ZNF221: variants seen among roughly 807,000 people sequenced by gnomAD.
The protein encoded by ZNF221 is zinc finger protein 221.
In ZNF221, 10 loss-of-function variants were observed where a neutral mutation model predicts 12.6. That is an observed-to-expected ratio of 0.79 (90% CI 0.49 to 1.34). The LOEUF (loss-of-function observed/expected upper bound fraction) is 1.34, where lower values mean the gene tolerates loss of function less well. ZNF221 is among the 40% of genes most tolerant of loss of function. The pLI is 0.00. For synonymous variants in ZNF221, 232 were observed against 244.0 expected (o/e 0.95, Z 0.46); for missense variants, 661 against 721.4 (o/e 0.92, Z 0.96).
At position 43,966,574 on chromosome 19, in the gene ZNF221, A is replaced by G. The variant is rs750799809; in HGVS notation, c.1072A>G (p.Met358Val). 6 of 1,614,210 alleles carry G rather than the reference A, an allele frequency of 3.7e-6. No individual in the cohort carries two copies. The East Asian group carries it at 6.7e-5, about 18-fold the overall frequency. ...GAGATCAGCACTTAATAGTCATTCC[A>G]TGGTCCACATAGAAGAGAAGCCATA... ...RQRSALNSHS[M>V]VHIEEKPYKC... Residue 358 changes from methionine to valine, a missense_variant, in exon 5 of 5, where the codon ATG becomes GTG. Coordinates refer to ENST00000587682, the MANE Select transcript of ZNF221 (RefSeq NM_001297588.2).
intron 1 of ZNF221, among the ~76,000 whole-genome samples, chr19:43,955,698 A>G (rs2147332498): frequency 6.6e-6 from 1 of 152,348 alleles, no homozygotes. Flanking sequence ...CATCACTGCT[A>G]GGAAAACAGC....
At chr19:43,970,732 T>C (rs973107382), downstream of ZNF221, among the ~76,000 whole-genome samples, 2 of 151,884 alleles carry the variant, frequency 1.3e-5, no homozygotes, top group African/African-American at 4.8e-5. Flanking sequence ...TGAAGAGTAA[T>C]GAACAAAACC....
downstream of ZNF221, among the ~76,000 whole-genome samples, chr19:43,970,061 G>A (rs1975063963): frequency 6.6e-6 from 1 of 152,176 alleles, no homozygotes; most frequent in South Asian, 2.1e-4. Flanking sequence ...AAAAGAAGGA[G>A]AAGGCTGCCA....
chr19:43,967,435 T>C lies in ZNF221; in HGVS notation c.*79T>C, dbSNP rs983834885. The C allele has an allele frequency of 8.2e-6, 9 of 1,100,330 alleles. No individual in the cohort carries two copies. Among genetic ancestry groups the C allele is most frequent in the African/African-American group, 3.2e-5 (2 of 63,490 alleles). The allele number at this position is 1,100,330 out of a possible 1,614,324, so 68.2% of individuals were successfully genotyped here. On this transcript the variant is annotated 3_prime_UTR_variant, in exon 5 of 5. Coordinates refer to ENST00000587682, the MANE Select transcript of ZNF221 (RefSeq NM_001297588.2). ...AATTCTCCACAGCAGAGAAAAACCA[T>C]TCAAATATGAGAACTGTGGGAAGAG...
downstream of ZNF221, among the ~76,000 whole-genome samples, chr19:43,969,944 C>T (rs1408745094): frequency 6.6e-6 from 1 of 152,232 alleles, no homozygotes; most frequent in Non-Finnish European, 1.5e-5. Context: ...GGTCCCTGAT[C>T]CTGTTCCTCC....
intron 2 of ZNF221, among the ~76,000 whole-genome samples, chr19:43,964,453 C>A (rs1305251216): frequency 6.6e-6 from 1 of 152,158 alleles, no homozygotes; most frequent in East Asian, 1.9e-4. Flanking sequence ...ATAGAGGATG[C>A]AATGCATAGC....
At chr19:43,958,361 C>G (rs1419815747) in intron 1 of ZNF221, among the ~76,000 whole-genome samples, 1 of 152,180 alleles carries the variant, frequency 6.6e-6, no homozygotes, top group Non-Finnish European at 1.5e-5. Flanking sequence ...ATATCCCAGT[C>G]ATCATAAATT....
intron 1 of ZNF221, among the ~76,000 whole-genome samples, chr19:43,952,047 G>C (rs1974681441): frequency 6.6e-6 from 1 of 150,968 alleles, no homozygotes; most frequent in Non-Finnish European, 1.5e-5. Context: ...CTAATTTTTT[G>C]TATTTTTAGT....
chr19:43,981,125 G>A, the ZNF221 span, among the ~76,000 whole-genome samples: 1 of 151,742 alleles, frequency 6.6e-6, no homozygotes. Flanking sequence ...ATAAAAATGG[G>A]TAATAGATTT....
At chr19:43,960,909 G>A (rs1426662763) in intron 1 of ZNF221, among the ~76,000 whole-genome samples, 1 of 152,222 alleles carries the variant, frequency 6.6e-6, no homozygotes, top group Non-Finnish European at 1.5e-5. Context: ...ACCTCTACCA[G>A]GGCAGTGCCA....
At chr19:43,955,731 G>T (rs1974745311) in intron 1 of ZNF221, among the ~76,000 whole-genome samples, 1 of 152,194 alleles carries the variant, frequency 6.6e-6, no homozygotes, top group African/African-American at 2.4e-5. Flanking sequence ...GCATTGAGCT[G>T]ATATGTTTTT....
intron 2 of ZNF221, among the ~76,000 whole-genome samples, chr19:43,963,220 C>A (rs1259771781): frequency 6.6e-6 from 1 of 151,802 alleles, no homozygotes; most frequent in Non-Finnish European, 1.5e-5. Context: ...ATTAATGTAC[C>A]TTCTTATTTT....
the ZNF221 span, among the ~76,000 whole-genome samples, chr19:43,979,209 G>T: frequency 2.6e-5 from 4 of 151,890 alleles, no homozygotes; most frequent in Non-Finnish European, 5.9e-5. Flanking sequence ...AAGCATACTT[G>T]CTCCTAACAG....
Position 43,966,741 on chromosome 19 carries a change from G to A in ZNF221, c.1239G>A (p.Gln413=), listed in dbSNP as rs1482555366. ...FRWSSCLLNH[Q]QVHSGQKSFK... is the part of the protein sequence containing the mutation. ...GGTCCTCATGTCTTTTGAACCATCA[G>A]CAAGTCCACAGTGGACAAAAATCCT... is the stretch of plus-strand genomic sequence containing the variant. Residue 413 remains glutamine (Q), a synonymous_variant, in exon 5 of 5, where the codon CAG becomes CAA. Coordinates refer to ENST00000587682, the MANE Select transcript of ZNF221 (RefSeq NM_001297588.2). 1.2e-6 allele frequency: 2 copies of A among 1,614,098 alleles called. No individual in the cohort carries two copies. The highest frequency in any genetic ancestry group is 3.3e-5 in the Admixed American group (2 of 60,006).
chr19:43,974,510 A>C, the ZNF221 span, among the ~76,000 whole-genome samples: 1 of 152,212 alleles, frequency 6.6e-6, no homozygotes, highest in African/African-American at 2.4e-5. Flanking sequence ...ACAAAGGTCT[A>C]ATATCCAGAG....
downstream of ZNF221, among the ~76,000 whole-genome samples, chr19:43,969,843 T>A (rs945435047): frequency 6.6e-6 from 1 of 152,212 alleles, no homozygotes; most frequent in Non-Finnish European, 1.5e-5. Flanking sequence ...CTGCTGGCTT[T>A]GGAGAGTCTG....
the ZNF221 span, among the ~76,000 whole-genome samples, chr19:43,975,364 A>G: frequency 6.6e-6 from 1 of 152,214 alleles, no homozygotes; most frequent in South Asian, 2.1e-4. Flanking sequence ...TACTATGCAA[A>G]CATAAAAAGA....
At chr19:43,969,756 A>C (rs425200), downstream of ZNF221, among the ~76,000 whole-genome samples, 116,191 of 152,082 alleles carry the variant, frequency 0.76, 45,811 homozygotes, top group Middle Eastern at 0.9. Context: ...ACAGAAATCT[A>C]ATCTCTACCT....
chr19:43,965,397 C>T, intron 4 of ZNF221, 72 bp downstream of exon 4: 2 of 1,358,230 alleles, frequency 1.5e-6, no homozygotes, highest in Non-Finnish European at 2.0e-6. Flanking sequence ...ATGCCTATTT[C>T]CATCACCCTG....
Sources: allele counts gnomAD v4.1 joint callset (sites outside exome capture counted in the v4.1 genomes callset), GRCh38; gene constraint gnomAD v4.1.1; transcripts MANE v1.5; gene names NCBI Gene and HGNC (gene_info 2026-07-23, HGNC 2026-07-21).